The following BIK variants were observed in gnomAD, a reference collection of about 807,000 sequenced individuals.
BIK encodes the protein bcl-2-interacting killer.
In BIK, 14 loss-of-function variants were observed where a neutral mutation model predicts 12.1. That is an observed-to-expected ratio of 1.16 (90% CI 0.77 to 1.81). BIK has a LOEUF of 1.81. Among genes scored for constraint, BIK ranks in the 40% most tolerant of loss-of-function variants. The pLI is 0.00. For synonymous variants in BIK, 86 were observed against 92.3 expected, an observed-to-expected ratio of 0.93 and a Z score of 0.39; for missense variants, 215 against 207.9, an observed-to-expected ratio of 1.03 and a Z score of -0.21.
intron 2 of BIK, 45 bp from the exon 3 acceptor site, chr22:43,127,652 C>T (rs573110142): frequency 6.6e-7 from 1 of 1,509,078 alleles, no homozygotes; most frequent in Admixed American, 2.0e-5. Flanking sequence ...TGCATGTGGC[C>T]TCCACGGCAC....
At chr22:43,120,029 C>T (rs928409998) in intron 1 of BIK, among the ~76,000 whole-genome samples, 2 of 147,710 alleles carry the variant, frequency 1.4e-5, no homozygotes, top group Non-Finnish European at 3.0e-5. Context: ...AGGCATGGGC[C>T]GGTCTGAGGT....
At chr22:43,127,635 G>A in intron 2 of BIK, 62 bp from the exon 3 acceptor site, 1 of 1,444,254 alleles carries the variant, frequency 6.9e-7, no homozygotes, top group Non-Finnish European at 9.4e-7. Flanking sequence ...GGCTGGGTGG[G>A]TCCAGGTGCA....
intron 2 of BIK, among the ~76,000 whole-genome samples, chr22:43,124,403 C>T (rs1418734511): frequency 6.6e-6 from 1 of 152,190 alleles, no homozygotes; most frequent in Non-Finnish European, 1.5e-5. Flanking sequence ...GACCCCTGGA[C>T]AGCCAGCATG....
chr22:43,120,038 G>A (rs1365464987), intron 1 of BIK, among the ~76,000 whole-genome samples: 1 of 147,332 alleles, frequency 6.8e-6, no homozygotes, highest in Non-Finnish European at 1.5e-5. Context: ...CCGGTCTGAG[G>A]TTGGCTGGTG....
At chr22:43,128,450 T>G in intron 3 of BIK, 46 bp from the exon 4 acceptor site, 2 of 1,602,682 alleles carry the variant, frequency 1.2e-6, no homozygotes, top group Middle Eastern at 3.4e-4. Context: ...TGCCCCTACC[T>G]GCTCCTGCAG....
Position 43,129,242 on chromosome 22 carries a change from G to A in BIK, c.420G>A (p.Leu140=), listed in dbSNP as rs923479366. ...CCTGCGAACAGGTGCTGCTGGCGCT[G>A]CTGCTGCTGCTGGCGCTGCTGCTGC... ...WVSCEQVLLA[L]LLLLALLLPL... The change falls in exon 5 of 5, where the codon CTG becomes CTA. Residue 140 remains leucine (L), a synonymous_variant. Coordinates refer to ENST00000216115, the MANE Select transcript of BIK (RefSeq NM_001197.5). The A allele has an allele frequency of 1.3e-6, 2 of 1,583,620 alleles. No individual in the cohort carries two copies. Among genetic ancestry groups the A allele is most frequent in the Admixed American group, 1.7e-5 (1 of 58,860 alleles).
chr22:43,121,117 C>T (rs1342790585), intron 1 of BIK, among the ~76,000 whole-genome samples: 1 of 151,984 alleles, frequency 6.6e-6, no homozygotes, highest in East Asian at 1.9e-4. Context: ...GGAGGTTGCA[C>T]CTGAGCTGAG....
intron 1 of BIK, among the ~76,000 whole-genome samples, chr22:43,118,678 G>C (rs937422477): frequency 2.0e-5 from 3 of 152,124 alleles, no homozygotes; most frequent in Non-Finnish European, 4.4e-5. Flanking sequence ...CCCTCCCTGT[G>C]ACCCCAGCGT....
chr22:43,124,431 G>A (rs1214845496), intron 2 of BIK, among the ~76,000 whole-genome samples: 1 of 152,176 alleles, frequency 6.6e-6, no homozygotes, highest in Non-Finnish European at 1.5e-5. Flanking sequence ...TCTCAAGATG[G>A]ACCTGGGGCC....
Position 43,128,613 on chromosome 22 carries a change from C to G in BIK, c.378C>G (p.Asn126Lys). 1.2e-6 allele frequency: 2 copies of G among 1,610,674 alleles called. No individual in the cohort carries two copies. The highest frequency in any genetic ancestry group is 8.5e-7 in the Non-Finnish European group (1 of 1,177,838). The change falls in exon 4 of 5, where the codon AAC becomes AAG. Residue 126 changes from asparagine (N) to lysine (K), a missense_variant. By Grantham distance (94) the Asn-to-Lys change is moderately conservative. Transcript: ENST00000216115. Reference sequence around the variant, plus strand: ...TAATGAGGTTCTGGAGATCCCCGAACCCCGGGTCCTGGGTAAGAGCCTTGA... The same window carrying G: ...TAATGAGGTTCTGGAGATCCCCGAAGCCCGGGTCCTGGGTAAGAGCCTTGA... Reference protein sequence around the residue: ...ENIMRFWRSPNPGSWVSCEQV... With the variant: ...ENIMRFWRSPKPGSWVSCEQV...
intron 1 of BIK, among the ~76,000 whole-genome samples, chr22:43,113,166 G>T (rs1930043807): frequency 6.6e-6 from 1 of 152,042 alleles, no homozygotes; most frequent in Non-Finnish European, 1.5e-5. Flanking sequence ...ATCACACCAT[G>T]GCACTCCAGC....
At chr22:43,111,652 G>T (rs182846960) in intron 1 of BIK, among the ~76,000 whole-genome samples, 3 of 152,312 alleles carry the variant, frequency 2.0e-5, no homozygotes, top group African/African-American at 7.2e-5. Flanking sequence ...CCACTCGTGG[G>T]GTAGGACGTG....
At chr22:43,112,215 TG>T (rs1205578797) in intron 1 of BIK, among the ~76,000 whole-genome samples, 5 of 152,046 alleles carry the variant, frequency 3.3e-5, no homozygotes, top group Admixed American at 1.3e-4. Flanking sequence ...TGTTTTTTTT[TG>T]AAACAGAGCT....
chr22:43,117,313 CTTT>C (rs1000577690), intron 1 of BIK, among the ~76,000 whole-genome samples: 1 of 145,670 alleles, frequency 6.9e-6, no homozygotes, highest in Non-Finnish European at 1.5e-5. Context: ...AGTGAGCTGT[CTTT>C]TTTTTTTCTT....
At chr22:43,114,645 G>C (rs934169641) in intron 1 of BIK, among the ~76,000 whole-genome samples, 4 of 152,098 alleles carry the variant, frequency 2.6e-5, no homozygotes, top group Non-Finnish European at 5.9e-5. Flanking sequence ...CGAGATTAGA[G>C]GCTCCCTTTC....
chr22:43,118,351 A>G (rs1307745043), intron 1 of BIK, among the ~76,000 whole-genome samples: 3 of 152,090 alleles, frequency 2.0e-5, no homozygotes, highest in Non-Finnish European at 4.4e-5. Flanking sequence ...GCTTTTATGG[A>G]GCCCCTGCTA....
In BIK at chr22:43,129,647, G is replaced by C. The variant is rs4988444; in HGVS notation, c.*342G>C. ...CCCCTGTGTGATATGTGATGCCCTC[G>C]GCAAAGAATCTACTGGAATAGATTC... On this transcript the variant is annotated 3_prime_UTR_variant, in exon 5 of 5. Coordinates refer to ENST00000216115, the MANE Select transcript of BIK (RefSeq NM_001197.5). The C allele has an allele frequency of 2.2e-5, 7 of 320,504 alleles. No individual in the cohort carries two copies. In the East Asian group the frequency reaches 3.4e-4, roughly 16 times the overall value. The allele number at this position is 320,504 out of a possible 1,614,324, so 19.9% of individuals were successfully genotyped here. A position where few individuals can be genotyped will look rare whatever the true frequency, so the allele number is the denominator to read the frequency against.
At chr22:43,121,966 G>C (rs4988405) in intron 1 of BIK, among the ~76,000 whole-genome samples, 1 of 152,188 alleles carries the variant, frequency 6.6e-6, no homozygotes, top group Non-Finnish European at 1.5e-5. Flanking sequence ...CCTGACCTCA[G>C]GTGATCCGCC....
intron 1 of BIK, among the ~76,000 whole-genome samples, chr22:43,115,926 T>C (rs746764155): frequency 8.6e-5 from 13 of 151,894 alleles, no homozygotes; most frequent in Non-Finnish European, 1.8e-4. Flanking sequence ...CCGGCTAACT[T>C]TGGTATTTTT....
Sources: allele counts gnomAD v4.1 joint callset (sites outside exome capture counted in the v4.1 genomes callset), GRCh38; gene constraint gnomAD v4.1.1; transcripts MANE v1.5; gene names NCBI Gene and HGNC (gene_info 2026-07-23, HGNC 2026-07-21).